The following SYNJ1 variants were observed in gnomAD, a reference collection of about 807,000 sequenced individuals.
SYNJ1 encodes the protein synaptojanin 1.
SYNJ1 carries 78 observed loss-of-function variants against 168.2 expected under a neutral mutation model. The ratio of observed to expected loss-of-function variants is 0.46; its 90% CI spans 0.39 to 0.56. SYNJ1 has a LOEUF of 0.56. SYNJ1 is among the 20% of genes least tolerant of loss of function. The pLI, the probability that SYNJ1 is intolerant of heterozygous loss-of-function variation, is 0.00. For missense variants in SYNJ1, 1,303 were observed against 1,597.6 expected (o/e 0.82, Z 3.14); for synonymous variants, 539 against 548.6 (o/e 0.98, Z 0.24).
At chr21:32,670,587 T>A (rs1414945960) in intron 14 of SYNJ1, among the ~76,000 whole-genome samples, 1 of 151,658 alleles carries the variant, frequency 6.6e-6, no homozygotes, top group African/African-American at 2.4e-5. Flanking sequence ...AAGACGGTTA[T>A]CCTTGAAGAT....
rs2043482807 is a variant in SYNJ1, at chr21:32,726,922, G to A, written c.-22-5C>T. On this transcript the variant is annotated splice_region_variant and splice_polypyrimidine_tract_variant and intron_variant, in intron 1 of 32. Coordinates refer to ENST00000674351, the MANE Select transcript of SYNJ1 (RefSeq NM_203446.3). ...CTCCTTTCTTCGGAGGCAGCCCTGCGAAAACCAAGCAAAGCAAAGCAAATG... is the reference window on the plus strand; with the variant it reads ...CTCCTTTCTTCGGAGGCAGCCCTGCAAAAACCAAGCAAAGCAAAGCAAATG... 1.9e-6 allele frequency: 3 copies of A among 1,613,592 alleles called. No individual in the cohort carries two copies. Among genetic ancestry groups the A allele is most frequent in the African/African-American group, 1.3e-5 (1 of 74,878 alleles).
At chr21:32,716,963 CT>C (rs112013821) in intron 2 of SYNJ1, among the ~76,000 whole-genome samples, 246 of 144,476 alleles carry the variant, frequency 1.7e-3, no homozygotes, top group East Asian at 2.4e-3. Context: ...GGGTCTTTCA[CT>C]TTTTTTTTTT....
chr21:32,662,352 G>C (rs1359737873), intron 18 of SYNJ1, among the ~76,000 whole-genome samples: 1 of 152,198 alleles, frequency 6.6e-6, no homozygotes, highest in East Asian at 1.9e-4. Context: ...CTGAGGTAGG[G>C]TAACAAGTTA....
At chr21:32,640,454 C>T (rs140960397) in intron 29 of SYNJ1, among the ~76,000 whole-genome samples, 1,639 of 151,950 alleles carry the variant, frequency 0.011, 34 homozygotes, top group African/African-American at 0.037. Flanking sequence ...CGCCACCACA[C>T]GCGGCTAATT....
In SYNJ1 at chr21:32,659,593, C is replaced by A. The variant is rs144144698; in HGVS notation, c.2305-1721G>T. On this transcript the variant is annotated intron_variant, in intron 18 of 32. Transcript: ENST00000674351. ...ATGAAAATCCCTGTCCTGTTCTGTTCTGATTACTGGTGCATGCAGCCCCCA... is the reference window on the plus strand; with the variant it reads ...ATGAAAATCCCTGTCCTGTTCTGTTATGATTACTGGTGCATGCAGCCCCCA... Among the ~76,000 whole-genome samples the A allele has an allele frequency of 6.0e-3, 919 of 152,264 alleles. 10 individuals carry two copies. Among genetic ancestry groups the A allele is most frequent in the African/African-American group, 0.021 (864 of 41,544 alleles).
At chr21:32,707,075 T>C (rs1399365928) in intron 2 of SYNJ1, among the ~76,000 whole-genome samples, 1 of 152,090 alleles carries the variant, frequency 6.6e-6, no homozygotes, top group Non-Finnish European at 1.5e-5. Flanking sequence ...CTTTCTCCCT[T>C]TTTTCATACT....
chr21:32,645,596 T>C (rs766088671), intron 25 of SYNJ1, 50 bp downstream of exon 25: 5 of 1,472,072 alleles, frequency 3.4e-6, no homozygotes, highest in East Asian at 2.5e-5. Context: ...CATTTTAAAA[T>C]AGAGTGAAGA....
At chr21:32,704,664 T>C (rs1486409148) in intron 2 of SYNJ1, among the ~76,000 whole-genome samples, 1 of 151,910 alleles carries the variant, frequency 6.6e-6, no homozygotes, top group Non-Finnish European at 1.5e-5. Flanking sequence ...TTGAGAGGGA[T>C]GGGAAAGGCA....
At chr21:32,709,508 G>A (rs1601504522) in intron 2 of SYNJ1, among the ~76,000 whole-genome samples, 1 of 139,512 alleles carries the variant, frequency 7.2e-6, no homozygotes, top group African/African-American at 2.6e-5. Flanking sequence ...AAAAGAAAGA[G>A]ATTTTATGGA....
chr21:32,631,766 T>C lies in SYNJ1; in HGVS notation c.*39A>G. The C allele has an allele frequency of 6.2e-7, 1 of 1,613,270 alleles. No individual in the cohort carries two copies. Among genetic ancestry groups the C allele is most frequent in the Non-Finnish European group, 8.5e-7 (1 of 1,179,546 alleles). ...CAAATGGGTCAATCTTTAATGGTGA[T>C]TCTCTTTTGCCATCAGAGATTCCAT... On this transcript the variant is annotated 3_prime_UTR_variant, in exon 33 of 33. Coordinates refer to ENST00000674351, the MANE Select transcript of SYNJ1 (RefSeq NM_203446.3).
At chr21:32,645,848 A>C (rs2040043497) in intron 24 of SYNJ1, 59 bp from the exon 25 acceptor site, 3 of 1,523,878 alleles carry the variant, frequency 2.0e-6, no homozygotes, top group Non-Finnish European at 2.7e-6. Context: ...ACAGAAGGGA[A>C]CAGTCCTTCA....
In SYNJ1 at chr21:32,650,298, T is replaced by C; in HGVS notation, c.2923A>G (p.Lys975Glu). 6.2e-7 allele frequency: 1 copy of C among 1,614,132 alleles called. No homozygotes were observed. Among genetic ancestry groups the C allele is most frequent in the Non-Finnish European group, 8.5e-7 (1 of 1,180,000 alleles). ...AAACTCATTTCTTCTTCCAAATTTT[T>C]GATCCAGTCTGGACTTTTTAAAGCA... is the stretch of plus-strand genomic sequence containing the variant. Reference protein sequence around the residue: ...TIALKSPDWIKNLEEEMSLEK... With the variant: ...TIALKSPDWIENLEEEMSLEK... Residue 975 changes from lysine (K) to glutamate (E), a missense_variant, in exon 23 of 33, where the codon AAA (lysine) becomes GAA (glutamate). Lys to Glu is a moderately conservative substitution (Grantham distance 56, BLOSUM62 1). Coordinates refer to ENST00000674351, the MANE Select transcript of SYNJ1 (RefSeq NM_203446.3).
chr21:32,676,297 T>C, intron 13 of SYNJ1, 35 bp downstream of exon 13: 2 of 1,514,762 alleles, frequency 1.3e-6, no homozygotes, highest in East Asian at 2.3e-5. Flanking sequence ...AAGAAAAAAT[T>C]GCTTTTATTT....
chr21:32,635,954 T>C (rs2039548380), intron 31 of SYNJ1, among the ~76,000 whole-genome samples: 1 of 152,138 alleles, frequency 6.6e-6, no homozygotes. Flanking sequence ...TCTAAACCTA[T>C]TACTAAATAG....
chr21:32,645,578 A>G (rs2040024458), intron 25 of SYNJ1, 68 bp downstream of exon 25: 8 of 1,442,620 alleles, frequency 5.5e-6, no homozygotes, highest in Middle Eastern at 2.5e-4. Flanking sequence ...ATTGGAAAAC[A>G]TGCAAAACAT....
At chr21:32,727,500 G>C (rs1007464008) in intron 1 of SYNJ1, among the ~76,000 whole-genome samples, 2 of 152,116 alleles carry the variant, frequency 1.3e-5, no homozygotes, top group African/African-American at 4.8e-5. Context: ...CGGCTGGGGG[G>C]ACGGCAGGCG....
chr21:32,672,503 CT>C (rs1221962486), intron 14 of SYNJ1, among the ~76,000 whole-genome samples: 1 of 151,978 alleles, frequency 6.6e-6, no homozygotes, highest in East Asian at 1.9e-4. Flanking sequence ...CCACACCCGG[CT>C]AATTTTTTTA....
rs183558612 is a variant in SYNJ1, at chr21:32,650,352, G to A, written c.2875-6C>T. On this transcript the variant is annotated splice_polypyrimidine_tract_variant and splice_region_variant and intron_variant, in intron 22 of 32. Transcript: ENST00000674351. ...GTTATAGTCCGATTCAATAACTAGCGGAGTAAAAGAGATATAAAATAAAGA... is the reference window on the plus strand; with the variant it reads ...GTTATAGTCCGATTCAATAACTAGCAGAGTAAAAGAGATATAAAATAAAGA... The A allele has an allele frequency of 2.9e-5, 46 of 1,589,852 alleles. No individual in the cohort carries two copies. Among genetic ancestry groups the A allele is most frequent in the South Asian group, 2.1e-4 (18 of 86,214 alleles).
intron 9 of SYNJ1, among the ~76,000 whole-genome samples, chr21:32,685,131 A>G (rs1401397098): frequency 6.6e-5 from 10 of 150,380 alleles, no homozygotes; most frequent in African/African-American, 2.4e-5. Context: ...GCAGTGAGCC[A>G]AGATCGCACC....
Sources: gnomAD v4.1 joint callset for allele counts (sites outside exome capture counted in the v4.1 genomes callset) on GRCh38, gnomAD v4.1.1 for gene constraint, MANE v1.5 for transcripts, NCBI Gene and HGNC (gene_info 2026-07-23, HGNC 2026-07-21) for gene names.